Variants in C1QTNF9 observed in about 807,000 individuals in gnomAD.
The protein encoded by C1QTNF9 is C1q and TNF related 9.
Under a neutral mutation model 10.1 loss-of-function variants are expected in C1QTNF9, and 6 were observed. The ratio of observed to expected loss-of-function variants is 0.59; its 90% CI spans 0.32 to 1.17. The LOEUF is 1.17. C1QTNF9 is among the 50% of genes most tolerant of loss of function. The pLI, the probability that C1QTNF9 is intolerant of heterozygous loss-of-function variation, is 0.04. For missense variants in C1QTNF9, 201 were observed against 418.8 expected (o/e 0.48, Z 4.54); for synonymous variants, 98 against 163.5 (o/e 0.60, Z 3.06).
At chr13:24,314,664 C>G (rs76135865) in intron 1 of C1QTNF9, among the ~76,000 whole-genome samples, 17,520 of 151,702 alleles carry the variant, frequency 0.12, 1,118 homozygotes, top group Middle Eastern at 0.25. Flanking sequence ...AAGGGCGAAA[C>G]TGCATCTCGA....
At chr13:24,308,683 C>T (rs568359108), upstream of C1QTNF9, among the ~76,000 whole-genome samples, 1 of 151,654 alleles carries the variant, frequency 6.6e-6, no homozygotes, top group South Asian at 2.1e-4. Flanking sequence ...TGTGCGTGGC[C>T]TCGCCGCCGA....
chr13:24,313,528 T>C (rs938477015), intron 1 of C1QTNF9, among the ~76,000 whole-genome samples: 3 of 152,254 alleles, frequency 2.0e-5, no homozygotes, highest in Non-Finnish European at 4.4e-5. Flanking sequence ...ATATTCTTCA[T>C]GGAATTTGGC....
At chr13:24,318,723 C>A in intron 2 of C1QTNF9, 95 bp from the exon 3 acceptor site, 11 of 1,574,602 alleles carry the variant, frequency 7.0e-6, no homozygotes, top group Non-Finnish European at 9.6e-6. Context: ...GGGTCACCCC[C>A]AGACTCTCCA....
intron 1 of C1QTNF9, among the ~76,000 whole-genome samples, chr13:24,310,311 G>T (rs1340840990): frequency 1.5e-5 from 2 of 132,726 alleles, no homozygotes; most frequent in Non-Finnish European, 3.2e-5. Flanking sequence ...CTGCCACCGC[G>T]CCTGGCTACT....
chr13:24,314,759 G>A (rs992555525), intron 1 of C1QTNF9, among the ~76,000 whole-genome samples: 4 of 152,034 alleles, frequency 2.6e-5, no homozygotes, highest in Admixed American at 2.0e-4. Flanking sequence ...CAAGAGAATC[G>A]CTTGAGCTGG....
At chr13:24,318,664 CCT>C (rs1359039661) in intron 2 of C1QTNF9, among the ~76,000 whole-genome samples, 152 bp from the exon 3 acceptor site, 4 of 152,250 alleles carry the variant, frequency 2.6e-5, no homozygotes, top group African/African-American at 7.2e-5. Context: ...CTCATGCCTG[CCT>C]CTCTCCACCT....
chr13:24,316,268 AC>A, intron 2 of C1QTNF9, 99 bp downstream of exon 2: 9 of 1,507,038 alleles, frequency 6.0e-6, no homozygotes, highest in Non-Finnish European at 6.3e-6. Flanking sequence ...ACCCACTCAC[AC>A]CCCATCCATC....
At chr13:24,318,790 C>T in intron 2 of C1QTNF9, 28 bp from the exon 3 acceptor site, 3 of 1,613,934 alleles carry the variant, frequency 1.9e-6, no homozygotes, top group South Asian at 2.2e-5. Context: ...AATTTCAACT[C>T]ATGCCTGTTT....
chr13:24,319,856 C>T (rs1291835394), intron 3 of C1QTNF9, among the ~76,000 whole-genome samples: 1 of 152,158 alleles, frequency 6.6e-6, no homozygotes, highest in African/African-American at 2.4e-5. Flanking sequence ...TCCCCAGACG[C>T]TAGGTAGTTT....
chr13:24,311,312 T>G (rs1877812275), intron 1 of C1QTNF9, among the ~76,000 whole-genome samples: 1 of 152,194 alleles, frequency 6.6e-6, no homozygotes, highest in South Asian at 2.1e-4. Context: ...GGAGAATGAG[T>G]CAGAAATAAG....
intron 1 of C1QTNF9, among the ~76,000 whole-genome samples, chr13:24,312,279 C>T (rs1255555829): frequency 2.0e-5 from 3 of 152,230 alleles, no homozygotes; most frequent in African/African-American, 7.2e-5. Context: ...TCATAAAGCT[C>T]TAACCCAGGT....
exon 4 of C1QTNF9, chr13:24,321,846 A>G: frequency 7.0e-7 from 1 of 1,436,750 alleles, no homozygotes; most frequent in Non-Finnish European, 9.2e-7. Flanking sequence ...GTTTTACTTT[A>G]TTAATTCCTC....
At chr13:24,315,710 A>G (rs1378505311) in intron 1 of C1QTNF9, 23 of 502,296 alleles carry the variant, frequency 4.6e-5, no homozygotes, top group Non-Finnish European at 1.4e-5. Context: ...TGAAATGATG[A>G]ACGGAAGAGT....
In C1QTNF9 at chr13:24,310,911, C is replaced by CAA. The variant is rs58299891; in HGVS notation, c.-23+1316_-23+1317dup. 7.9e-3 allele frequency among the ~76,000 whole-genome samples: 655 copies of CAA among 82,734 alleles called. 14 individuals are homozygous for CAA. The highest frequency in any genetic ancestry group is 0.032 in the African/African-American group (560 of 17,670). 54.3% of individuals were successfully genotyped at this position (82,734 alleles called of 152,430 possible). A position where few individuals can be genotyped will look rare whatever the true frequency, so the allele number is the denominator to read the frequency against. Reference sequence around the variant, plus strand: ...TGGGCAACAGAGCGAGGCTCTGTCTCAAAAAAAAAAAAAAAAAAAAAAGAT... The same window carrying CAA: ...TGGGCAACAGAGCGAGGCTCTGTCTCAAAAAAAAAAAAAAAAAAAAAAAAGAT... On this transcript the variant is annotated intron_variant, in intron 1 of 3. Transcript: ENST00000332018.
chr13:24,315,940 C>T, intron 1 of C1QTNF9, 42 bp from the exon 2 acceptor site: 1 of 1,605,970 alleles, frequency 6.2e-7, no homozygotes, highest in Non-Finnish European at 8.5e-7. Flanking sequence ...AGGGCCCCAG[C>T]AACAAAGATT....
At chr13:24,307,430 C>T (rs1877640812), upstream of C1QTNF9, among the ~76,000 whole-genome samples, 1 of 152,244 alleles carries the variant, frequency 6.6e-6, no homozygotes, top group Admixed American at 6.5e-5. Flanking sequence ...AGGAGCTGTG[C>T]TAGTGGCCCT....
In C1QTNF9 at chr13:24,314,986, T is replaced by G. The variant is rs538091461; in HGVS notation, c.-22-996T>G. ...GAACACCTCTCACTACAGTAAGACT[T>G]CTTGGAATGCTTTACTTTTTTAAAA... On this transcript the variant is annotated intron_variant, in intron 1 of 3. Coordinates refer to ENST00000332018, the Ensembl canonical transcript of C1QTNF9. Among the ~76,000 whole-genome samples, 4 of 152,104 alleles carry G rather than the reference T, an allele frequency of 2.6e-5. 1 individual carries two copies. The highest frequency in any genetic ancestry group is 7.2e-5 in the African/African-American group (3 of 41,448).
intron 1 of C1QTNF9, among the ~76,000 whole-genome samples, chr13:24,311,982 T>C (rs1877839999): frequency 1.3e-5 from 2 of 152,182 alleles, no homozygotes; most frequent in South Asian, 4.1e-4. Context: ...ATCTAGCTCA[T>C]GGTCATACCC....
intron 3 of C1QTNF9, among the ~76,000 whole-genome samples, chr13:24,319,815 C>G (rs1162611654): frequency 6.6e-6 from 1 of 152,132 alleles, no homozygotes; most frequent in Non-Finnish European, 1.5e-5. Context: ...TCACTTTGTG[C>G]TTTTCATGTA....
Sources: gnomAD v4.1 joint callset for allele counts (sites outside exome capture counted in the v4.1 genomes callset) on GRCh38, gnomAD v4.1.1 for gene constraint, MANE v1.5 for transcripts, NCBI Gene and HGNC (gene_info 2026-07-23, HGNC 2026-07-21) for gene names.